LPP: variants seen among roughly 807,000 people sequenced by gnomAD.
LPP encodes LIM domain containing preferred translocation partner in lipoma.
In LPP, 38 loss-of-function variants were observed where a neutral mutation model predicts 60.4. That is an observed-to-expected ratio of 0.63 (90% CI 0.49 to 0.83). The LOEUF (loss-of-function observed/expected upper bound fraction) is 0.83. Ranked by LOEUF, LPP falls within the 40% of genes least tolerant of loss-of-function variation. LPP has a pLI of 0.00. For missense variants in LPP, 902 were observed against 783.6 expected (o/e 1.15, Z -1.80); for synonymous variants, 328 against 290.8 (o/e 1.13, Z -1.30).
intron 9 of LPP, among the ~76,000 whole-genome samples, chr3:188,857,020 T>C (rs941816257): frequency 6.6e-6 from 1 of 152,174 alleles, no homozygotes; most frequent in Non-Finnish European, 1.5e-5. Flanking sequence ...GGGAGATGTG[T>C]TGGTATTCAA....
At chr3:188,240,376 T>TGTGTGTGTGTGAGA (rs534393899) in intron 2 of LPP, among the ~76,000 whole-genome samples, 3 of 143,328 alleles carry the variant, frequency 2.1e-5, no homozygotes, top group African/African-American at 8.1e-5. Context: ...TGTGTGTGTG[T>TGTGTGTGTGTGAGA]GAGAGAGAGA....
chr3:188,311,085 A>G (rs1468075669), intron 2 of LPP, among the ~76,000 whole-genome samples: 1 of 152,138 alleles, frequency 6.6e-6, no homozygotes, highest in East Asian at 1.9e-4. Flanking sequence ...TATCTTTCTC[A>G]TAGTTATTCT....
chr3:188,736,366 C>A (rs1722506043), intron 8 of LPP, among the ~76,000 whole-genome samples: 1 of 151,720 alleles, frequency 6.6e-6, no homozygotes, highest in African/African-American at 2.4e-5. Flanking sequence ...ACAAATATCC[C>A]AACAGAGAAA....
At chr3:188,302,350 A>G (rs1750162755) in intron 2 of LPP, among the ~76,000 whole-genome samples, 1 of 152,224 alleles carries the variant, frequency 6.6e-6, no homozygotes, top group South Asian at 2.1e-4. Flanking sequence ...GCAGTAAACC[A>G]CAATGAAACC....
chr3:188,683,849 A>G (rs1385927498), intron 7 of LPP, among the ~76,000 whole-genome samples: 12 of 152,330 alleles, frequency 7.9e-5, no homozygotes, highest in Admixed American at 2.6e-4. Flanking sequence ...ACCTTATTCT[A>G]TGGATTCAAA....
chr3:188,187,572 C>T (rs1726970476), intron 1 of LPP, among the ~76,000 whole-genome samples: 1 of 151,860 alleles, frequency 6.6e-6, no homozygotes, highest in Non-Finnish European at 1.5e-5. Flanking sequence ...TTCTGTCGTT[C>T]TCTTGTCTGC....
chr3:188,673,764 G>T (rs1857418788), intron 7 of LPP, among the ~76,000 whole-genome samples: 1 of 152,178 alleles, frequency 6.6e-6, no homozygotes, highest in Non-Finnish European at 1.5e-5. Context: ...CAAACTGGAG[G>T]AAGGAGAGGC....
chr3:188,308,394 A>G (rs1752207693), intron 2 of LPP, among the ~76,000 whole-genome samples: 1 of 152,218 alleles, frequency 6.6e-6, no homozygotes, highest in Admixed American at 6.5e-5. Flanking sequence ...ACAATATCAT[A>G]GGGATAACCT....
At chr3:188,420,013 C>G (rs1298304197) in intron 4 of LPP, among the ~76,000 whole-genome samples, 1 of 152,052 alleles carries the variant, frequency 6.6e-6, no homozygotes. Context: ...AAGCTGCAAT[C>G]ATTGTTCTTG....
intron 3 of LPP, among the ~76,000 whole-genome samples, chr3:188,392,515 C>A (rs1014934711): frequency 7.2e-5 from 11 of 152,110 alleles, no homozygotes; most frequent in Admixed American, 2.6e-4. Context: ...AAAATGGTTT[C>A]TTTATAACAA....
At chr3:188,466,564 C>T (rs1244589506) in intron 4 of LPP, among the ~76,000 whole-genome samples, 1 of 151,826 alleles carries the variant, frequency 6.6e-6, no homozygotes, top group East Asian at 1.9e-4. Context: ...CTCACATCCT[C>T]AAACCAGGTA....
intron 2 of LPP, among the ~76,000 whole-genome samples, chr3:188,283,749 A>G (rs958921980): frequency 2.7e-5 from 4 of 150,690 alleles, no homozygotes; most frequent in African/African-American, 1.0e-4. Context: ...GACACTAATC[A>G]TTATTAGGAA....
At chr3:188,202,801 C>G (rs139822526) in intron 1 of LPP, among the ~76,000 whole-genome samples, 32 of 152,110 alleles carry the variant, frequency 2.1e-4, no homozygotes, top group African/African-American at 6.7e-4. Context: ...GTTTGCTGCT[C>G]ATGGAGGTTT....
intron 2 of LPP, among the ~76,000 whole-genome samples, chr3:188,276,923 G>T (rs1250082192): frequency 1.2e-5 from 1 of 83,188 alleles, no homozygotes; most frequent in African/African-American, 6.8e-5. Context: ...TTTTTTTGGA[G>T]AGACAGGTCT....
chr3:188,362,460 T>C (rs7640550), intron 3 of LPP, among the ~76,000 whole-genome samples: 91,355 of 152,098 alleles, frequency 0.6, 28,624 homozygotes, highest in African/African-American at 0.79. Flanking sequence ...ACCGTTGCCT[T>C]ACTCTCACTG....
intron 2 of LPP, among the ~76,000 whole-genome samples, chr3:188,266,484 A>T (rs1239866539): frequency 2.0e-5 from 3 of 151,274 alleles, no homozygotes; most frequent in African/African-American, 4.9e-5. Context: ...GGAGAGAGAG[A>T]GAGCGCGAGA....
chr3:188,560,131 TG>T (rs1034781287), intron 6 of LPP, among the ~76,000 whole-genome samples: 2 of 152,114 alleles, frequency 1.3e-5, no homozygotes, highest in African/African-American at 2.4e-5. Flanking sequence ...CTTTTTGACA[TG>T]GCTAGAATAA....
chr3:188,413,992 A>T (rs1194872459), intron 4 of LPP, among the ~76,000 whole-genome samples: 6 of 152,184 alleles, frequency 3.9e-5, no homozygotes, highest in African/African-American at 1.4e-4. Context: ...TTACTATTAT[A>T]TACTTATTCA....
intron 3 of LPP, among the ~76,000 whole-genome samples, chr3:188,365,687 CTTTT>C (rs113781032): frequency 1.5e-5 from 2 of 137,544 alleles, no homozygotes; most frequent in African/African-American, 2.7e-5. Flanking sequence ...TTTTCTTCTT[CTTTT>C]TTTTTTTTTT....
Sources: gnomAD v4.1 joint callset for allele counts (sites outside exome capture counted in the v4.1 genomes callset) on GRCh38, gnomAD v4.1.1 for gene constraint, MANE v1.5 for transcripts, NCBI Gene and HGNC (gene_info 2026-07-23, HGNC 2026-07-21) for gene names.